CCDC175: variants seen among roughly 807,000 people sequenced by gnomAD.
The protein encoded by CCDC175 is coiled-coil domain containing 175, also known as coiled-coil domain-containing protein 175.
A neutral mutation model predicts 114.6 loss-of-function variants in CCDC175; 100 were observed. The observed-to-expected ratio is 0.87, with a 90% CI of 0.74 to 1.03. The LOEUF (loss-of-function observed/expected upper bound fraction) is 1.03. CCDC175 is among the 50% of genes least tolerant of loss of function. CCDC175 has a pLI of 0.00. For missense variants in CCDC175, 880 were observed against 917.8 expected (o/e 0.96, Z 0.53); for synonymous variants, 306 against 308.7 (o/e 0.99, Z 0.09).
intron 18 of CCDC175, among the ~76,000 whole-genome samples, chr14:59,511,555 A>AG (rs987839019): frequency 7.3e-5 from 11 of 150,784 alleles, no homozygotes; most frequent in African/African-American, 2.7e-4. Flanking sequence ...TGGTAAAAAA[A>AG]AAAAAAAAAA....
chr14:59,516,353 C>G (rs914425318), intron 17 of CCDC175, among the ~76,000 whole-genome samples: 10 of 152,110 alleles, frequency 6.6e-5, no homozygotes, highest in African/African-American at 2.2e-4. Context: ...CTCAAAAAAA[C>G]CTTCAAAAAA....
intron 12 of CCDC175, 116 bp downstream of exon 12, chr14:59,538,589 T>A: frequency 1.1e-6 from 1 of 892,840 alleles, no homozygotes; most frequent in South Asian, 2.2e-5. Context: ...ACTCTAAACA[T>A]GAAATCAGCA....
In CCDC175 at chr14:59,531,720, A is replaced by T. The variant is rs561902514; in HGVS notation, c.1762+52T>A. The T allele has an allele frequency of 7.0e-6, 9 of 1,293,028 alleles. No homozygotes were observed. In the African/African-American group the frequency reaches 7.6e-5, roughly 11 times the overall value. The allele number at this position is 1,293,028 out of a possible 1,614,324, so 80.1% of individuals were successfully genotyped here. A position where few individuals can be genotyped will look rare whatever the true frequency, so the allele number is the denominator to read the frequency against. ...TGACCTCCTTGTGTTAGAAGATGAC[A>T]GTGAAATCCTTACCTGGGATTGAGT... On this transcript the variant is annotated intron_variant, in intron 14 of 19. Transcript: ENST00000537690.
intron 6 of CCDC175, among the ~76,000 whole-genome samples, chr14:59,562,495 A>C (rs1379582948): frequency 6.6e-6 from 1 of 152,204 alleles, no homozygotes; most frequent in East Asian, 1.9e-4. Context: ...TAGATGAGGA[A>C]ACTAAAGGTT....
At chr14:59,528,749 C>T (rs779781701) in intron 14 of CCDC175, among the ~76,000 whole-genome samples, 1 of 151,854 alleles carries the variant, frequency 6.6e-6, no homozygotes, top group East Asian at 1.9e-4. Context: ...TCTCCTTTTC[C>T]TCATCTCTTT....
chr14:59,510,895 A>T lies in CCDC175; in HGVS notation c.2143-87T>A, dbSNP rs1290931306. 2.6e-6 allele frequency: 3 copies of T among 1,172,142 alleles called. No individual in the cohort carries two copies. The African/African-American group carries it at 4.6e-5, about 18-fold the overall frequency. 72.6% of individuals were successfully genotyped at this position (1,172,142 alleles called of 1,614,324 possible). ...TTCTAAGTGGATCATGTCCAAAAAAAAATATTATATATGCATAATTGGTAT... is the reference window on the plus strand; with the variant it reads ...TTCTAAGTGGATCATGTCCAAAAAATAATATTATATATGCATAATTGGTAT... On this transcript the variant is annotated intron_variant, in intron 18 of 19. Transcript: ENST00000537690.
chr14:59,568,466 G>T, intron 3 of CCDC175, 86 bp from the exon 4 acceptor site: 1 of 1,042,572 alleles, frequency 9.6e-7, no homozygotes, highest in Non-Finnish European at 1.3e-6. Flanking sequence ...AGCTTTCTTT[G>T]AAATATTCTT....
chr14:59,533,895 A>G lies in CCDC175; in HGVS notation c.1624-1985T>C, dbSNP rs1003764561. Among the ~76,000 whole-genome samples, 3 of 151,634 alleles carry G rather than the reference A, an allele frequency of 2.0e-5. No homozygotes were observed. In the East Asian group the frequency reaches 5.8e-4, roughly 29 times the overall value. On this transcript the variant is annotated intron_variant, in intron 13 of 19. Coordinates refer to ENST00000537690, the MANE Select transcript of CCDC175 (RefSeq NM_001164399.2). ...TCCCAGCTACTTGGGAGGCTGAGGC[A>G]GGAGAATCGCTTGAACCCGGGAGGC...
intron 7 of CCDC175, among the ~76,000 whole-genome samples, chr14:59,553,359 A>C (rs1009627916): frequency 2.6e-5 from 4 of 152,234 alleles, no homozygotes; most frequent in Non-Finnish European, 5.9e-5. Context: ...ATATCCAGCC[A>C]AACTAAGCTT....
At chr14:59,517,997 A>G (rs149021237) in intron 17 of CCDC175, among the ~76,000 whole-genome samples, 6,264 of 152,270 alleles carry the variant, frequency 0.041, 164 homozygotes, top group Non-Finnish European at 0.06. Context: ...AACCGAACAG[A>G]GCCCTCAGAA....
rs554435548 is a variant in CCDC175 at position 59,561,169 on chromosome 14, T to C, written c.903A>G (p.Glu301=). The C allele has an allele frequency of 5.9e-5, 90 of 1,535,912 alleles. No homozygotes were observed. In the Admixed American group the frequency reaches 1.6e-3, roughly 27 times the overall value. Residue 301 remains glutamate, a synonymous_variant, in exon 7 of 20, where the codon GAA becomes GAG. Transcript: ENST00000537690. ...ARLHESIRYW[E]QEVSELKKDL... is the part of the protein sequence containing the mutation. ...CTTTCTTTAGCTCACTGACCTCTTG[T>C]TCCCAATACCTTATTGATTCGTGTA...
intron 11 of CCDC175, among the ~76,000 whole-genome samples, chr14:59,539,764 A>G (rs931927888): frequency 1.3e-5 from 2 of 152,034 alleles, no homozygotes; most frequent in African/African-American, 4.8e-5. Flanking sequence ...AAATACAAAA[A>G]TTAGCCGGGC....
intron 17 of CCDC175, among the ~76,000 whole-genome samples, chr14:59,514,307 T>G (rs933269296): frequency 1.3e-5 from 2 of 152,068 alleles, no homozygotes; most frequent in African/African-American, 2.4e-5. Context: ...TGGAACAAAG[T>G]TGGACAGAGA....
At chr14:59,537,814 G>GATT (rs886895092) in intron 13 of CCDC175, among the ~76,000 whole-genome samples, 1 of 152,052 alleles carries the variant, frequency 6.6e-6, no homozygotes, top group African/African-American at 2.4e-5. Flanking sequence ...TTTGAAGTGT[G>GATT]ATTATTATTA....
At chr14:59,537,288 A>G (rs753514117) in intron 13 of CCDC175, among the ~76,000 whole-genome samples, 1 of 152,192 alleles carries the variant, frequency 6.6e-6, no homozygotes, top group Non-Finnish European at 1.5e-5. Flanking sequence ...AGGATGTGGC[A>G]GGATGGGATG....
chr14:59,557,454 CG>C (rs1158443805), intron 7 of CCDC175, among the ~76,000 whole-genome samples: 249 of 107,314 alleles, frequency 2.3e-3, no homozygotes, highest in African/African-American at 9.0e-3. Flanking sequence ...CCTCACACAC[CG>C]GGGCCTGTTG....
intron 17 of CCDC175, 100 bp from the exon 18 acceptor site, chr14:59,511,903 A>G (rs1594974528): frequency 1.2e-6 from 1 of 861,280 alleles, no homozygotes; most frequent in Non-Finnish European, 1.8e-6. Flanking sequence ...AATTATTTTT[A>G]TCTAAAAATG....
intron 8 of CCDC175, among the ~76,000 whole-genome samples, chr14:59,546,286 A>T (rs1417053612): frequency 2.0e-5 from 3 of 152,184 alleles, no homozygotes. Flanking sequence ...GGACACAAAG[A>T]TGGGAACAAT....
chr14:59,576,755 G>A lies in CCDC175; in HGVS notation c.21C>T (p.Thr7=). 6.8e-7 allele frequency: 1 copy of A among 1,462,174 alleles called. No homozygotes were observed. Among genetic ancestry groups the A allele is most frequent in the Admixed American group, 2.8e-5 (1 of 35,282 alleles). The allele number at this position is 1,462,174 out of a possible 1,614,324, so 90.6% of individuals were successfully genotyped here. A position where few individuals can be genotyped will look rare whatever the true frequency, so the allele number is the denominator to read the frequency against. Residue 7 remains threonine (T), a synonymous_variant, in exon 1 of 20, where the codon ACC becomes ACT. Transcript: ENST00000537690. ...GCTTCTCGCCAGCGCCCAGCCCTGG[G>A]GTCCAGGGGCTCAGGGCCATTTTGC... MALSPW[T]PGLGAGEKLV...
Sources: allele counts gnomAD v4.1 joint callset (sites outside exome capture counted in the v4.1 genomes callset), GRCh38; gene constraint gnomAD v4.1.1; transcripts MANE v1.5; gene names NCBI Gene and HGNC (gene_info 2026-07-23, HGNC 2026-07-21).